The following RDH10 variants were observed in gnomAD, a reference collection of about 807,000 sequenced individuals.
RDH10 encodes retinol dehydrogenase 10, also known as retinol dehydrogenase 10 (all-trans).
Under a neutral mutation model 30.2 loss-of-function variants are expected in RDH10, and 12 were observed. The ratio of observed to expected loss-of-function variants is 0.40; its 90% confidence interval spans 0.25 to 0.64. The LOEUF is 0.64. RDH10 is among the 30% of genes least tolerant of loss of function. The probability of loss-of-function intolerance (pLI) is 0.43; values close to 1 mark genes in which losing one functional copy is unlikely to be tolerated. For missense variants in RDH10, 268 were observed against 445.2 expected, an observed-to-expected ratio of 0.60 and a Z score of 3.58; for synonymous variants, 189 against 172.2, an observed-to-expected ratio of 1.10 and a Z score of -0.76.
In RDH10 at chr8:73,304,193, A is replaced by G. The variant is rs146230787; in HGVS notation, c.525+6764A>G. Among the ~76,000 whole-genome samples, 480 of 152,274 alleles carry G rather than the reference A, an allele frequency of 3.2e-3. 1 individual carries two copies. Among genetic ancestry groups the G allele is most frequent in the Non-Finnish European group, 4.5e-3 (305 of 68,014 alleles). ...GCGCCACACATTCTCTTAAAGCAGC[A>G]TGTCACAAAACTGAACAAACTCCTC... On this transcript the variant is annotated intron_variant, in intron 2 of 5. Transcript: ENST00000240285.
intron 2 of RDH10, among the ~76,000 whole-genome samples, chr8:73,316,232 G>A (rs770930671): frequency 1.3e-5 from 2 of 151,978 alleles, no homozygotes; most frequent in South Asian, 2.1e-4. Flanking sequence ...TTCCTAGGGT[G>A]GTCTTGAACT....
chr8:73,303,550 G>A (rs1814417997), intron 2 of RDH10, among the ~76,000 whole-genome samples: 1 of 152,140 alleles, frequency 6.6e-6, no homozygotes, highest in Non-Finnish European at 1.5e-5. Context: ...CAGTAGAACT[G>A]GTTTCTGTTA....
At chr8:73,320,507 G>T (rs1466953335) in intron 3 of RDH10, among the ~76,000 whole-genome samples, 10 of 143,534 alleles carry the variant, frequency 7.0e-5, no homozygotes, top group African/African-American at 2.6e-4. Flanking sequence ...GTCTCACTCT[G>T]TCACCCAGGC....
rs375757710 is a variant in RDH10 at position 73,295,258 on chromosome 8, C to T, written c.-32C>T. 123 of 1,530,816 alleles carry T rather than the reference C, an allele frequency of 8.0e-5. No individual in the cohort carries two copies. Among genetic ancestry groups the T allele is most frequent in the Admixed American group, 6.4e-4 (32 of 50,228 alleles). 94.8% of individuals were successfully genotyped at this position (1,530,816 alleles called of 1,614,324 possible). A position where few individuals can be genotyped will look rare whatever the true frequency, so the allele number is the denominator to read the frequency against. ...GGCTCGGGGTGGGCGCGGACGCAGG[C>T]ACTGGGCTCGTGCGGGGCCCCGGGC... On this transcript the variant is annotated 5_prime_UTR_variant, in exon 1 of 6. Coordinates refer to ENST00000240285, the MANE Select transcript of RDH10 (RefSeq NM_172037.5).
intron 2 of RDH10, among the ~76,000 whole-genome samples, chr8:73,303,065 T>G (rs1403539922): frequency 6.6e-6 from 1 of 152,228 alleles, no homozygotes; most frequent in Admixed American, 6.5e-5. Context: ...TGGTAGTTAA[T>G]TAATAGACCA....
rs530996780 is a variant in RDH10 at position 73,316,685 on chromosome 8, C to T, written c.526-2411C>T. Among the ~76,000 whole-genome samples the T allele has an allele frequency of 5.4e-4, 82 of 152,258 alleles. 2 individuals are homozygous for T. Among genetic ancestry groups the T allele is most frequent in the African/African-American group, 1.8e-3 (74 of 41,536 alleles). On this transcript the variant is annotated intron_variant, in intron 2 of 5. Coordinates refer to ENST00000240285, the MANE Select transcript of RDH10 (RefSeq NM_172037.5). ...ACAAAGAAAAGAAGTCTAATTGGCT[C>T]ACGGTTCTGCAGGCTGTACAGGAAG... is the stretch of plus-strand genomic sequence containing the variant.
At chr8:73,299,245 G>A (rs1814334994) in intron 2 of RDH10, among the ~76,000 whole-genome samples, 2 of 152,352 alleles carry the variant, frequency 1.3e-5, no homozygotes, top group African/African-American at 2.4e-5. Context: ...GCCTGTAGGT[G>A]TGTGTTGTGT....
intron 2 of RDH10, among the ~76,000 whole-genome samples, chr8:73,299,550 C>T (rs909147531): frequency 1.3e-5 from 2 of 152,214 alleles, no homozygotes; most frequent in Non-Finnish European, 2.9e-5. Flanking sequence ...TAAACAGTTA[C>T]AGCACTATCA....
intron 2 of RDH10, among the ~76,000 whole-genome samples, chr8:73,317,969 G>A (rs1471072680): frequency 8.2e-6 from 1 of 121,724 alleles, no homozygotes; most frequent in Non-Finnish European, 1.6e-5. Context: ...AGGTATTCAT[G>A]CAAAAACTCA....
chr8:73,301,217 A>G (rs1270558864), intron 2 of RDH10, among the ~76,000 whole-genome samples: 4 of 149,212 alleles, frequency 2.7e-5, no homozygotes, highest in Admixed American at 6.6e-5. Flanking sequence ...CGCCTGGCTA[A>G]TTTTTTGTAT....
At chr8:73,296,086 C>CT (rs898629966) in intron 1 of RDH10, among the ~76,000 whole-genome samples, 45 of 152,310 alleles carry the variant, frequency 3.0e-4, no homozygotes, top group African/African-American at 1.1e-3. Flanking sequence ...GCGATAAGTG[C>CT]TTTAGTTACA....
chr8:73,295,221 G>T lies in RDH10; in HGVS notation c.-69G>T. ...TGTGACAAGCGCCCCGGAGCCGGGA[G>T]CCCGATTGCCGGGCTCGGGGTGGGC... On this transcript the variant is annotated 5_prime_UTR_variant, in exon 1 of 6. Coordinates refer to ENST00000240285, the MANE Select transcript of RDH10 (RefSeq NM_172037.5). 1.4e-6 allele frequency: 2 copies of T among 1,384,312 alleles called. No homozygotes were observed. The highest frequency in any genetic ancestry group is 1.9e-6 in the Non-Finnish European group (2 of 1,049,182). 85.8% of individuals were successfully genotyped at this position (1,384,312 alleles called of 1,614,324 possible). A position where few individuals can be genotyped will look rare whatever the true frequency, so the allele number is the denominator to read the frequency against.
At chr8:73,314,607 C>T (rs981966825) in intron 2 of RDH10, among the ~76,000 whole-genome samples, 2 of 152,156 alleles carry the variant, frequency 1.3e-5, no homozygotes, top group Admixed American at 1.3e-4. Context: ...CCTGCCTTTG[C>T]CCGACACAGA....
At chr8:73,295,832 G>A (rs759816808) in intron 1 of RDH10, 30 of 1,259,202 alleles carry the variant, frequency 2.4e-5, no homozygotes, top group Admixed American at 4.1e-5. Context: ...GAGGGGGCGG[G>A]TTTCCTAAGC....
At chr8:73,299,579 G>A (rs750889789) in intron 2 of RDH10, among the ~76,000 whole-genome samples, 3 of 152,318 alleles carry the variant, frequency 2.0e-5, no homozygotes, top group East Asian at 3.9e-4. Flanking sequence ...ATTATGAACC[G>A]CAGATACTGA....
intron 2 of RDH10, chr8:73,315,539 G>A: frequency 2.2e-6 from 1 of 453,682 alleles, no homozygotes; most frequent in Non-Finnish European, 4.4e-6. Flanking sequence ...AGAACAGTTA[G>A]GAACTTGTTA....
chr8:73,295,328 A>C lies in RDH10; in HGVS notation c.39A>C (p.Lys13Asn). The C allele has an allele frequency of 6.4e-7, 1 of 1,565,552 alleles. No homozygotes were observed. The highest frequency in any genetic ancestry group is 8.6e-7 in the Non-Finnish European group (1 of 1,156,974). ...TGGAGTTCTTCGTGGTCACTTTCAA[A>C]GTGCTCTGGGCGTTCGTGCTGGCCG... is the stretch of plus-strand genomic sequence containing the variant. Reference protein sequence around the residue: ...IVVEFFVVTFKVLWAFVLAAA... With the variant: ...IVVEFFVVTFNVLWAFVLAAA... Residue 13 changes from lysine to asparagine, a missense_variant, in exon 1 of 6, where the codon AAA becomes AAC. Transcript: ENST00000240285.
intron 2 of RDH10, among the ~76,000 whole-genome samples, chr8:73,305,199 A>T: frequency 6.6e-6 from 1 of 152,132 alleles, no homozygotes. Flanking sequence ...TTAATACTTA[A>T]CTGCTCACAC....
At chr8:73,308,908 CCTT>C (rs758830938) in intron 2 of RDH10, among the ~76,000 whole-genome samples, 2 of 152,192 alleles carry the variant, frequency 1.3e-5, no homozygotes, top group African/African-American at 2.4e-5. Context: ...CACTCTAGAA[CCTT>C]CTTCTCGGCT....
Sources: allele counts gnomAD v4.1 joint callset (sites outside exome capture counted in the v4.1 genomes callset), GRCh38; gene constraint gnomAD v4.1.1; transcripts MANE v1.5; gene names NCBI Gene and HGNC (gene_info 2026-07-23, HGNC 2026-07-21).